Variants in CBX5 observed in about 807,000 individuals in gnomAD.
The protein encoded by CBX5 is chromobox protein homolog 5.
In CBX5, 7 loss-of-function variants were observed where a neutral mutation model predicts 20.7. The observed-to-expected ratio is 0.34, with a 90% CI of 0.19 to 0.63. CBX5 has a LOEUF of 0.63. Among genes scored for constraint, CBX5 ranks in the 30% least tolerant of loss-of-function variants. The pLI is 0.75. For missense variants in CBX5, 110 were observed against 224.1 expected, an observed-to-expected ratio of 0.49 and a Z score of 3.25; for synonymous variants, 78 against 77.0, an observed-to-expected ratio of 1.01 and a Z score of -0.07.
chr12:54,250,359 G>A (rs1943782536), intron 3 of CBX5, among the ~76,000 whole-genome samples: 2 of 152,090 alleles, frequency 1.3e-5, no homozygotes, highest in South Asian at 2.1e-4. Flanking sequence ...GCAGTAAGCC[G>A]AGATCACGCC....
At chr12:54,252,353 A>T in intron 2 of CBX5, 126 bp from the exon 3 acceptor site, 1 of 555,636 alleles carries the variant, frequency 1.8e-6, no homozygotes, top group Non-Finnish European at 3.0e-6. Context: ...TGCTTTAAAG[A>T]AGATAACAAA....
chr12:54,276,037 A>G (rs1565876239), intron 1 of CBX5, among the ~76,000 whole-genome samples: 1 of 151,706 alleles, frequency 6.6e-6, no homozygotes, highest in African/African-American at 2.4e-5. Flanking sequence ...ACATTTTGCA[A>G]TATTTTTATT....
At chr12:54,278,770 C>T (rs1345059023) in intron 1 of CBX5, 1 of 152,206 alleles carries the variant, frequency 6.6e-6, no homozygotes, top group Non-Finnish European at 1.5e-5. Flanking sequence ...AATCTTCTGT[C>T]CCCAGAACCC....
At chr12:54,277,392 A>T (rs1278281231) in intron 1 of CBX5, among the ~76,000 whole-genome samples, 1 of 152,114 alleles carries the variant, frequency 6.6e-6, no homozygotes, top group African/African-American at 2.4e-5. Context: ...TTTAGTAGAG[A>T]CGGGGTTTCA....
intron 3 of CBX5, among the ~76,000 whole-genome samples, chr12:54,247,446 C>A (rs1306673968): frequency 6.6e-6 from 1 of 152,016 alleles, no homozygotes; most frequent in Non-Finnish European, 1.5e-5. Flanking sequence ...TGGGAGGATC[C>A]CTTGGGCCCA....
Position 54,234,556 on chromosome 12 carries a change from G to A in CBX5, c.*7199C>T, listed in dbSNP as rs1006952703. The A allele has an allele frequency of 3.3e-5, 5 of 152,160 alleles. No individual in the cohort carries two copies. Among genetic ancestry groups the A allele is most frequent in the African/African-American group, 9.7e-5 (4 of 41,430 alleles). The allele number at this position is 152,160 out of a possible 1,614,324, so 9.4% of individuals were successfully genotyped here. A position where few individuals can be genotyped will look rare whatever the true frequency, so the allele number is the denominator to read the frequency against. On this transcript the variant is annotated 3_prime_UTR_variant, in exon 5 of 5. Transcript: ENST00000209875. ...ATAATAGTTTCCTATTAGATTTTCC[G>A]ATTAATACTGATGGCTCTTACCTAG...
chr12:54,254,570 C>T (rs374907469), intron 2 of CBX5, among the ~76,000 whole-genome samples: 1 of 151,882 alleles, frequency 6.6e-6, no homozygotes, highest in Non-Finnish European at 1.5e-5. Context: ...AAAAATTCCT[C>T]GGCCGGGCAC....
At chr12:54,254,364 G>A (rs540258967) in intron 2 of CBX5, among the ~76,000 whole-genome samples, 56 of 143,070 alleles carry the variant, frequency 3.9e-4, no homozygotes, top group Non-Finnish European at 7.4e-4. Context: ...GGTTTATTTA[G>A]ATGGGAATGA....
chr12:54,240,658 A>G lies in CBX5; in HGVS notation c.*1097T>C, dbSNP rs1592152908. 6.6e-6 allele frequency: 1 copy of G among 152,312 alleles called. No homozygotes were observed. The highest frequency in any genetic ancestry group is 2.1e-4 in the South Asian group (1 of 4,824). 9.4% of individuals were successfully genotyped at this position (152,312 alleles called of 1,614,324 possible). ...AATGCAGGAGACATAACTGCTATGA[A>G]CACTTAAAATTGATATTGTGGCCAA... On this transcript the variant is annotated 3_prime_UTR_variant, in exon 5 of 5. Coordinates refer to ENST00000209875, the MANE Select transcript of CBX5 (RefSeq NM_012117.3).
Position 54,233,688 on chromosome 12 carries a change from T to C in CBX5, c.*8067A>G, listed in dbSNP as rs2137003228. On this transcript the variant is annotated 3_prime_UTR_variant, in exon 5 of 5. Transcript: ENST00000209875. ...GCTTATGCTTGTAATCCCAGCACTTTGGGAGGCTGAGGCACGTGGATCACT... is the reference window on the plus strand; with the variant it reads ...GCTTATGCTTGTAATCCCAGCACTTCGGGAGGCTGAGGCACGTGGATCACT... 1 of 152,192 alleles carries C rather than the reference T, an allele frequency of 6.6e-6. No individual in the cohort carries two copies. The highest frequency in any genetic ancestry group is 1.5e-5 in the Non-Finnish European group (1 of 68,024). The allele number at this position is 152,192 out of a possible 1,614,324, so 9.4% of individuals were successfully genotyped here. A position where few individuals can be genotyped will look rare whatever the true frequency, so the allele number is the denominator to read the frequency against.
chr12:54,279,560 C>A (rs755672765), intron 1 of CBX5, among the ~76,000 whole-genome samples: 1 of 152,190 alleles, frequency 6.6e-6, no homozygotes, highest in African/African-American at 2.4e-5. Flanking sequence ...CTGGTCCCAG[C>A]GCTTTCCTTA....
At chr12:54,258,727 G>A in intron 1 of CBX5, among the ~76,000 whole-genome samples, 1 of 152,094 alleles carries the variant, frequency 6.6e-6, no homozygotes, top group Non-Finnish European at 1.5e-5. Context: ...CATGCTAAAT[G>A]GTGCCTACAG....
intron 2 of CBX5, 110 bp downstream of exon 2, chr12:54,257,404 A>G (rs1592159806): frequency 1.9e-6 from 2 of 1,035,932 alleles, no homozygotes; most frequent in East Asian, 4.8e-5. Context: ...TCTTAGGAAG[A>G]GTGCAGGAGG....
In CBX5 at chr12:54,257,561, C is replaced by T. The variant is rs1276043692; in HGVS notation, c.90G>A (p.Val30=). The change falls in exon 2 of 5, where the codon GTG becomes GTA. Residue 30 remains valine, a synonymous_variant. Transcript: ENST00000209875. ...YVVEKVLDRR[V]VKGQVEYLLK... is the part of the protein sequence containing the mutation. The stretch of plus-strand genomic sequence containing the variant: ...GTAGATATTCCACTTGTCCCTTAAC[C>T]ACGCGCCTGTCTAGCACCTTCTCCA... The T allele has an allele frequency of 6.2e-7, 1 of 1,614,136 alleles. No individual in the cohort carries two copies. The highest frequency in any genetic ancestry group is 8.5e-7 in the Non-Finnish European group (1 of 1,180,012).
At chr12:54,256,244 G>C (rs1252110302) in intron 2 of CBX5, among the ~76,000 whole-genome samples, 1 of 152,084 alleles carries the variant, frequency 6.6e-6, no homozygotes, top group Non-Finnish European at 1.5e-5. Flanking sequence ...GTGCTCTAGA[G>C]GTCTCTCAAA....
rs1943611262 is a variant in CBX5 at position 54,235,511 on chromosome 12, G to GGA, written c.*6243_*6244insTC. 2.0e-5 allele frequency: 3 copies of GGA among 152,282 alleles called. No individual in the cohort carries two copies. Among genetic ancestry groups the GGA allele is most frequent in the Admixed American group, 2.0e-4 (3 of 15,290 alleles). The allele number at this position is 152,282 out of a possible 1,614,324, so 9.4% of individuals were successfully genotyped here. A position where few individuals can be genotyped will look rare whatever the true frequency, so the allele number is the denominator to read the frequency against. ...CGCCTGTAGTCCCAGCTCCTCGGGA[G>GGA]GCTGAGGCAGGAGAATGGCGTGAAC... On this transcript the variant is annotated 3_prime_UTR_variant, in exon 5 of 5. Coordinates refer to ENST00000209875, the MANE Select transcript of CBX5 (RefSeq NM_012117.3).
At chr12:54,253,727 C>CA (rs58403125) in intron 2 of CBX5, among the ~76,000 whole-genome samples, 1,124 of 70,022 alleles carry the variant, frequency 0.016, 13 homozygotes, top group East Asian at 0.034. Context: ...GATACCATCT[C>CA]AAAAAAAAAA....
In CBX5 at chr12:54,244,787, T is replaced by C. The variant is rs1464625833; in HGVS notation, c.425+1328A>G. On this transcript the variant is annotated intron_variant, in intron 4 of 4. Coordinates refer to ENST00000209875, the MANE Select transcript of CBX5 (RefSeq NM_012117.3). Reference sequence around the variant, plus strand: ...TCCTTTTCATCTAAGAGCCATCCTCTCTCTACTGGATGAAATAACTTGTGC... The same window carrying C: ...TCCTTTTCATCTAAGAGCCATCCTCCCTCTACTGGATGAAATAACTTGTGC... 2.0e-5 allele frequency among the ~76,000 whole-genome samples: 3 copies of C among 152,148 alleles called. No individual in the cohort carries two copies. The East Asian group carries it at 5.8e-4, about 29-fold the overall frequency.
intron 1 of CBX5, among the ~76,000 whole-genome samples, chr12:54,275,433 G>A (rs1274809438): frequency 6.6e-6 from 1 of 151,900 alleles, no homozygotes; most frequent in South Asian, 2.1e-4. Context: ...AGCGGAGATG[G>A]GGTTTCACCG....
Sources: allele counts gnomAD v4.1 joint callset (sites outside exome capture counted in the v4.1 genomes callset), GRCh38; gene constraint gnomAD v4.1.1; transcripts MANE v1.5; gene names NCBI Gene and HGNC (gene_info 2026-07-23, HGNC 2026-07-21).